The following FER variants were observed in gnomAD, a reference collection of about 807,000 sequenced individuals.
FER encodes FER tyrosine kinase, also known as tyrosine-protein kinase Fer.
A neutral mutation model predicts 111.0 loss-of-function variants in FER; 63 were observed. The ratio of observed to expected loss-of-function variants is 0.57; its 90% CI spans 0.46 to 0.70. The LOEUF (loss-of-function observed/expected upper bound fraction) is 0.70, where lower values mean the gene tolerates loss of function less well. FER is among the 30% of genes least tolerant of loss of function. FER has a pLI of 0.00. For missense variants in FER, 914 were observed against 954.0 expected (o/e 0.96, Z 0.55); for synonymous variants, 327 against 313.9 (o/e 1.04, Z -0.44).
At chr5:109,163,340 G>T (rs755995504) in intron 17 of FER, among the ~76,000 whole-genome samples, 1 of 152,080 alleles carries the variant, frequency 6.6e-6, no homozygotes, top group South Asian at 2.1e-4. Flanking sequence ...GAAGAAAGCT[G>T]CTCTGAATAG....
intron 13 of FER, among the ~76,000 whole-genome samples, chr5:109,036,734 C>T (rs965337045): frequency 6.6e-6 from 1 of 151,006 alleles, no homozygotes; most frequent in Non-Finnish European, 1.5e-5. Context: ...TTTTTTCTTA[C>T]ATTATGGTAT....
chr5:108,973,586 A>G (rs547881086), intron 13 of FER, among the ~76,000 whole-genome samples: 8 of 152,134 alleles, frequency 5.3e-5, no homozygotes, highest in Admixed American at 1.3e-4. Context: ...AGAAATTACA[A>G]TCTTGTGGAC....
chr5:109,030,446 G>T (rs1268362793), intron 13 of FER, among the ~76,000 whole-genome samples: 2 of 152,102 alleles, frequency 1.3e-5, no homozygotes. Flanking sequence ...TTTCATTTTT[G>T]CAGGTAGTTA....
intron 13 of FER, among the ~76,000 whole-genome samples, chr5:109,008,719 G>C (rs555516814): frequency 2.2e-3 from 333 of 152,162 alleles, no homozygotes; most frequent in African/African-American, 7.5e-3. Flanking sequence ...AGTGGCTCAC[G>C]CCTGTAATCC....
intron 13 of FER, among the ~76,000 whole-genome samples, chr5:108,998,084 A>G (rs1041063254): frequency 6.7e-6 from 1 of 148,208 alleles, no homozygotes; most frequent in Non-Finnish European, 1.5e-5. Flanking sequence ...TGGGTGTGGG[A>G]CCTGCCGTAC....
At chr5:108,900,971 G>A (rs534859696) in intron 10 of FER, among the ~76,000 whole-genome samples, 17 of 152,264 alleles carry the variant, frequency 1.1e-4, no homozygotes, top group African/African-American at 4.1e-4. Context: ...AGTGTTAAGA[G>A]GTGGGACCTT....
intron 16 of FER, among the ~76,000 whole-genome samples, chr5:109,100,144 C>G (rs1052884661): frequency 6.6e-6 from 1 of 151,586 alleles, no homozygotes; most frequent in African/African-American, 2.4e-5. Flanking sequence ...ATTATTATGA[C>G]CTGGATAATG....
At chr5:108,868,056 C>A (rs1383411469) in intron 6 of FER, 106 bp downstream of exon 6, 16 of 1,020,932 alleles carry the variant, frequency 1.6e-5, no homozygotes, top group Non-Finnish European at 2.3e-5. Context: ...TTAACCCAGT[C>A]CAGGGGGTAT....
In FER at chr5:108,954,615, G is replaced by T. The variant is rs552899385; in HGVS notation, c.1330-114G>T. On this transcript the variant is annotated intron_variant, in intron 11 of 19. Transcript: ENST00000281092. ...TAGGTTTATTGTATAACTTTTAATTGGTCAATTAAAGGGAGGAACATTTGT... is the reference window on the plus strand; with the variant it reads ...TAGGTTTATTGTATAACTTTTAATTTGTCAATTAAAGGGAGGAACATTTGT... The T allele has an allele frequency of 3.3e-5, 25 of 764,324 alleles. No homozygotes were observed. The South Asian group carries it at 5.0e-4, about 15-fold the overall frequency. 47.3% of individuals were successfully genotyped at this position (764,324 alleles called of 1,614,324 possible).
chr5:108,908,095 C>T lies in FER; in HGVS notation c.1236+10247C>T, dbSNP rs116370095. 7.2e-5 allele frequency among the ~76,000 whole-genome samples: 11 copies of T among 152,146 alleles called. No homozygotes were observed. The South Asian group carries it at 2.3e-3, about 32-fold the overall frequency. ...CCTTTGATTTTCATTTTTAGATTAA[C>T]TGTTTACCTGATAGAGGTAGTATTA... is the stretch of plus-strand genomic sequence containing the variant. On this transcript the variant is annotated intron_variant, in intron 10 of 19. Coordinates refer to ENST00000281092, the MANE Select transcript of FER (RefSeq NM_005246.4).
chr5:109,051,257 G>T, intron 16 of FER: 2 of 1,135,468 alleles, frequency 1.8e-6, no homozygotes, highest in Non-Finnish European at 2.7e-6. Flanking sequence ...ACTTTCTACA[G>T]CACCTTTTTT....
At chr5:108,967,121 C>T (rs889320347) in intron 13 of FER, among the ~76,000 whole-genome samples, 21 of 152,276 alleles carry the variant, frequency 1.4e-4, no homozygotes, top group Middle Eastern at 6.8e-3. Flanking sequence ...TTGGCCTGCC[C>T]GGGCCAACCC....
rs140819027 is a variant in FER, at chr5:109,042,143, A to C, written c.1714-2537A>C. Among the ~76,000 whole-genome samples the C allele has an allele frequency of 2.3e-3, 349 of 152,218 alleles. 1 individual carries two copies. The highest frequency in any genetic ancestry group is 7.0e-3 in the African/African-American group (291 of 41,540). On this transcript the variant is annotated intron_variant, in intron 14 of 19. Coordinates refer to ENST00000281092, the MANE Select transcript of FER (RefSeq NM_005246.4). ...ATCAAATAGAAGTATGCTGAATCTG[A>C]GGGGGCTGGAGAGGGAGAAATGAAG... is the stretch of plus-strand genomic sequence containing the variant.
At chr5:109,013,754 A>C (rs141606530) in intron 13 of FER, among the ~76,000 whole-genome samples, 779 of 134,292 alleles carry the variant, frequency 5.8e-3, no homozygotes, top group Non-Finnish European at 8.0e-3. Flanking sequence ...TTGTTTCCTG[A>C]CTTTTTAATG....
intron 9 of FER, among the ~76,000 whole-genome samples, chr5:108,886,664 A>AT (rs1372337844): frequency 6.6e-6 from 1 of 151,638 alleles, no homozygotes; most frequent in African/African-American, 2.4e-5. Context: ...TGATCTTATG[A>AT]TTTTAACAGC....
intron 1 of FER, among the ~76,000 whole-genome samples, chr5:108,764,089 A>G (rs1752048118): frequency 6.6e-6 from 1 of 152,098 alleles, no homozygotes; most frequent in African/African-American, 2.4e-5. Context: ...TTATGTTCCT[A>G]CCCCAGAAAC....
chr5:109,132,668 A>G (rs142701295), intron 17 of FER, among the ~76,000 whole-genome samples: 1,813 of 152,274 alleles, frequency 0.012, 18 homozygotes, highest in Non-Finnish European at 0.02. Context: ...TTGATGTCCA[A>G]GAGGCCTCAG....
intron 13 of FER, among the ~76,000 whole-genome samples, chr5:109,010,228 G>T (rs1164589597): frequency 6.6e-6 from 1 of 152,028 alleles, no homozygotes; most frequent in Admixed American, 6.6e-5. Flanking sequence ...CACAATCTCG[G>T]CCCACTGCAA....
At chr5:109,067,655 A>C (rs1775275713) in intron 16 of FER, among the ~76,000 whole-genome samples, 1 of 152,058 alleles carries the variant, frequency 6.6e-6, no homozygotes, top group Admixed American at 6.6e-5. Flanking sequence ...ATCATCTGCT[A>C]CTATAGTAAT....
Sources: gnomAD v4.1 joint callset for allele counts (sites outside exome capture counted in the v4.1 genomes callset) on GRCh38, gnomAD v4.1.1 for gene constraint, MANE v1.5 for transcripts, NCBI Gene and HGNC (gene_info 2026-07-23, HGNC 2026-07-21) for gene names.